AGFG2: variants seen among roughly 807,000 people sequenced by gnomAD.
The protein encoded by AGFG2 is ArfGAP with FG repeats 2.
Under a neutral mutation model 48.0 loss-of-function variants are expected in AGFG2, and 31 were observed. That is an observed-to-expected ratio of 0.65 (90% CI 0.49 to 0.87). AGFG2 has a LOEUF of 0.87. Among genes scored for constraint, AGFG2 ranks in the 40% least tolerant of loss-of-function variants. AGFG2 has a pLI of 0.00. For missense variants in AGFG2, 599 were observed against 632.6 expected, an observed-to-expected ratio of 0.95 and a Z score of 0.57; for synonymous variants, 229 against 260.8, an observed-to-expected ratio of 0.88 and a Z score of 1.18.
At chr7:100,541,168 G>C (rs988581251) in intron 1 of AGFG2, among the ~76,000 whole-genome samples, 5 of 152,194 alleles carry the variant, frequency 3.3e-5, no homozygotes, top group Non-Finnish European at 7.3e-5. Context: ...TCCAACATTT[G>C]TTGTTTGATA....
At position 100,541,149 on chromosome 7, in the gene AGFG2, A is replaced by C. The variant is rs116422876; in HGVS notation, c.221+1582A>C. 1.5e-3 allele frequency among the ~76,000 whole-genome samples: 231 copies of C among 152,284 alleles called. 3 individuals carry two copies. Among genetic ancestry groups the C allele is most frequent in the African/African-American group, 5.3e-3 (219 of 41,564 alleles). ...GTAACTTATCCAGTGCCATATGGGC[A>C]TTGCGGTTTCCAACATTTGTTGTTT... On this transcript the variant is annotated intron_variant, in intron 1 of 11. Transcript: ENST00000300176.
In AGFG2 at chr7:100,539,545, T is replaced by A; in HGVS notation, c.199T>A (p.Cys67Ser). ...YVDITVGSFVCTTCSGLLRGL... is the reference protein window; with the variant it reads ...YVDITVGSFVSTTCSGLLRGL... ...GGATATCACCGTGGGCAGCTTCGTG[T>A]GCACCACCTGCTCCGGCCTCCTGTG... The change falls in exon 1 of 12, where the codon TGC (cysteine) becomes AGC (serine). Residue 67 changes from cysteine (C) to serine (S), a missense_variant. Coordinates refer to ENST00000300176, the MANE Select transcript of AGFG2 (RefSeq NM_006076.5). 9.0e-7 allele frequency: 1 copy of A among 1,105,446 alleles called. No individual in the cohort carries two copies. Among genetic ancestry groups the A allele is most frequent in the East Asian group, 5.9e-5 (1 of 16,852 alleles). The allele number at this position is 1,105,446 out of a possible 1,614,324, so 68.5% of individuals were successfully genotyped here.
chr7:100,551,051 TATATATATA>T (rs1562791801), intron 3 of AGFG2, among the ~76,000 whole-genome samples: 5 of 84,742 alleles, frequency 5.9e-5, no homozygotes, highest in African/African-American at 2.1e-4. Context: ...TATATATATA[TATATATATA>T]TATATATTTC....
chr7:100,545,578 T>C (rs1173648364), intron 1 of AGFG2, among the ~76,000 whole-genome samples: 1 of 152,214 alleles, frequency 6.6e-6, no homozygotes, highest in Non-Finnish European at 1.5e-5. Flanking sequence ...TAATGTACTT[T>C]CCATTGGAAA....
chr7:100,548,978 GATT>G (rs1800569701), intron 2 of AGFG2, 63 bp downstream of exon 2: 1 of 1,349,060 alleles, frequency 7.4e-7, no homozygotes, highest in Non-Finnish European at 1.1e-6. Context: ...TTTGCCTCAA[GATT>G]GTAGGGAAAC....
intron 3 of AGFG2, among the ~76,000 whole-genome samples, chr7:100,551,910 A>G (rs1800655212): frequency 6.7e-6 from 1 of 148,984 alleles, no homozygotes; most frequent in Non-Finnish European, 1.5e-5. Context: ...AAAAAAAAAA[A>G]AGTAGGGAAC....
intron 1 of AGFG2, among the ~76,000 whole-genome samples, chr7:100,548,062 G>T (rs1287001086): frequency 6.6e-6 from 1 of 152,094 alleles, no homozygotes; most frequent in Non-Finnish European, 1.5e-5. Flanking sequence ...GTGGGCCCTG[G>T]GACCTTGGGG....
At chr7:100,564,808 C>A in intron 11 of AGFG2, 124 bp from the exon 12 acceptor site, 1 of 1,127,368 alleles carries the variant, frequency 8.9e-7, no homozygotes, top group Non-Finnish European at 1.3e-6. Context: ...CTGGCCTTTT[C>A]TCCCTCACTT....
intron 3 of AGFG2, among the ~76,000 whole-genome samples, chr7:100,550,798 G>A (rs1378134568): frequency 6.6e-6 from 1 of 151,218 alleles, no homozygotes; most frequent in African/African-American, 2.4e-5. Context: ...CTGATCTTAT[G>A]TATGGGGAGA....
chr7:100,548,827 G>A lies in AGFG2; in HGVS notation c.227G>A (p.Gly76Glu). 1 of 1,612,648 alleles carries A rather than the reference G, an allele frequency of 6.2e-7. No individual in the cohort carries two copies. The highest frequency in any genetic ancestry group is 8.5e-7 in the Non-Finnish European group (1 of 1,179,030). ...VCTTCSGLLR[G>E]LNPPHRVKSI... is the part of the protein sequence containing the mutation. ...TTCCTGTTTCTCTCCCATAGGAGAG[G>A]GCTGAACCCCCCTCATCGTGTCAAG... Residue 76 changes from glycine to glutamate, a missense_variant, in exon 2 of 12, where the codon GGG (glycine) becomes GAG (glutamate). By Grantham distance (98) the Gly-to-Glu change is moderately conservative. Transcript: ENST00000300176.
chr7:100,562,807 G>C lies in AGFG2; in HGVS notation c.1088-56G>C. On this transcript the variant is annotated intron_variant, in intron 8 of 11. Transcript: ENST00000300176. This position sits in a 1 kb window ranked among gnomAD's most constrained non-coding sequence, Gnocchi z 5.4. ...TCAGGCATCACAGGATGAAGCACGT[G>C]AGAAAAAAAGTAACCATCTCTCTCT... The C allele has an allele frequency of 6.2e-7, 1 of 1,605,034 alleles. No individual in the cohort carries two copies.
intron 6 of AGFG2, among the ~76,000 whole-genome samples, chr7:100,561,418 C>T (rs1387374866): frequency 6.6e-6 from 1 of 152,198 alleles, no homozygotes; most frequent in Non-Finnish European, 1.5e-5. Flanking sequence ...TGAACTGCCG[C>T]GTCCTGTCAA....
chr7:100,546,444 T>G (rs1008940017), intron 1 of AGFG2, among the ~76,000 whole-genome samples: 1 of 152,226 alleles, frequency 6.6e-6, no homozygotes, highest in African/African-American at 2.4e-5. Context: ...CCGCAACTGC[T>G]GCATCCTGGA....
chr7:100,563,770 G>A, intron 9 of AGFG2, 64 bp from the exon 10 acceptor site: 2 of 1,598,138 alleles, frequency 1.3e-6, no homozygotes, highest in Non-Finnish European at 1.7e-6. Flanking sequence ...AGGGACTTAG[G>A]AAAAACAGTT....
chr7:100,565,732 A>G lies in AGFG2; in HGVS notation c.*741A>G, dbSNP rs370958578. 10 of 152,592 alleles carry G rather than the reference A, an allele frequency of 6.6e-5. No individual in the cohort carries two copies. In the South Asian group the frequency reaches 1.0e-3, roughly 16 times the overall value. The allele number at this position is 152,592 out of a possible 1,614,324, so 9.5% of individuals were successfully genotyped here. A position where few individuals can be genotyped will look rare whatever the true frequency, so the allele number is the denominator to read the frequency against. ...CACCCAGCCGATCTCCCGCTCCCAG[A>G]CTGCTCTCGTATGTGGGGAATGGGA... is the stretch of plus-strand genomic sequence containing the variant. On this transcript the variant is annotated 3_prime_UTR_variant, in exon 12 of 12. Coordinates refer to ENST00000300176, the MANE Select transcript of AGFG2 (RefSeq NM_006076.5).
At chr7:100,546,497 C>T (rs1035720234) in intron 1 of AGFG2, among the ~76,000 whole-genome samples, 1 of 152,282 alleles carries the variant, frequency 6.6e-6, no homozygotes, top group Admixed American at 6.5e-5. Context: ...TGAATAGCAC[C>T]CTACTGCAGT....
At chr7:100,563,729 G>A in intron 9 of AGFG2, 105 bp from the exon 10 acceptor site, 1 of 1,537,476 alleles carries the variant, frequency 6.5e-7, no homozygotes. Flanking sequence ...CTCATGTCAG[G>A]AAAAAACTAT....
At position 100,553,364 on chromosome 7, in the gene AGFG2, A is replaced by T; in HGVS notation, c.449A>T (p.Gln150Leu). ...EKKRWYVPPD[Q>L]VKGPTYTKGS... is the part of the protein sequence containing the mutation. ...TCTCAAAGGTATGTCCCCCCAGACC[A>T]AGTCAAGGGGCCCACTTATACCAAA... The change falls in exon 4 of 12, where the codon CAA (glutamine) becomes CTA (leucine). Residue 150 changes from glutamine to leucine, a missense_variant. By Grantham distance (113) the Gln-to-Leu change is moderately radical (BLOSUM62 -2). Transcript: ENST00000300176. The T allele has an allele frequency of 6.2e-7, 1 of 1,614,160 alleles. No individual in the cohort carries two copies. Among genetic ancestry groups the T allele is most frequent in the South Asian group, 1.1e-5 (1 of 91,084 alleles).
Position 100,565,215 on chromosome 7 carries a change from T to C in AGFG2, c.*224T>C. The C allele has an allele frequency of 1.7e-6, 1 of 605,438 alleles. No individual in the cohort carries two copies. The highest frequency in any genetic ancestry group is 2.9e-6 in the Non-Finnish European group (1 of 341,800). 37.5% of individuals were successfully genotyped at this position (605,438 alleles called of 1,614,324 possible). On this transcript the variant is annotated 3_prime_UTR_variant, in exon 12 of 12. Transcript: ENST00000300176. The stretch of plus-strand genomic sequence containing the variant: ...ACCCAGGCAGGAAGCCCAGGAGGAG[T>C]GCGGGCAGGGCCTGACCTGGAGGAG...
Sources: allele counts gnomAD v4.1 joint callset (sites outside exome capture counted in the v4.1 genomes callset), GRCh38; gene constraint gnomAD v4.1.1; non-coding constraint Gnocchi (gnomAD v3.1); transcripts MANE v1.5; gene names NCBI Gene and HGNC (gene_info 2026-07-23, HGNC 2026-07-21).